The following THTPA variants were observed in gnomAD, a reference collection of about 807,000 sequenced individuals.
The protein encoded by THTPA is thiamine triphosphatase, also known as thiamine-triphosphatase.
Under a neutral mutation model 16.5 loss-of-function variants are expected in THTPA, and 16 were observed. That is an observed-to-expected ratio of 0.97 (90% confidence interval 0.66 to 1.47). The LOEUF is 1.47. Among genes scored for constraint, THTPA ranks in the 40% most tolerant of loss-of-function variants. THTPA has a pLI of 0.00. For synonymous variants in THTPA, 110 were observed against 115.5 expected (o/e 0.95, Z 0.30); for missense variants, 281 against 280.9 (o/e 1.00, Z 0.00).
the THTPA span, chr14:23,531,880 G>T: frequency 1.0e-6 from 1 of 982,764 alleles, no homozygotes; most frequent in Non-Finnish European, 1.3e-6. Flanking sequence ...TGGGTTCAGT[G>T]ATTCTCATGC....
At chr14:23,522,087 T>C in the THTPA span, 6 of 1,536,036 alleles carry the variant, frequency 3.9e-6, no homozygotes, top group African/African-American at 2.7e-5. Context: ...GTGATGGAGA[T>C]GGGTGGGCCC....
chr14:23,535,189 G>T, the THTPA span: 1 of 1,531,686 alleles, frequency 6.5e-7, no homozygotes. The surrounding 1 kb of genome is among the most constrained non-coding windows in gnomAD (Gnocchi z 4.5). Flanking sequence ...CTCAGAGGTG[G>T]AGGAGGCAGC....
At chr14:23,553,539 C>T (rs1026006170), upstream of THTPA, among the ~76,000 whole-genome samples, 8 of 150,852 alleles carry the variant, frequency 5.3e-5, no homozygotes, top group African/African-American at 2.0e-4. Flanking sequence ...GCAGAGGTTG[C>T]GGTGAGCCAA....
chr14:23,547,963 C>A, the THTPA span, among the ~76,000 whole-genome samples: 3 of 152,136 alleles, frequency 2.0e-5, no homozygotes, highest in Non-Finnish European at 4.4e-5. Flanking sequence ...GTCCCATTTC[C>A]CCCCTTTCTG....
the THTPA span, chr14:23,525,091 G>T: frequency 6.5e-7 from 1 of 1,536,044 alleles, no homozygotes; most frequent in East Asian, 2.4e-5. This position sits in a 1 kb window ranked among gnomAD's most constrained non-coding sequence, Gnocchi z 5.9. Flanking sequence ...TGGGGTAGGC[G>T]CTAGTCTCAA....
At chr14:23,531,598 G>GGTGGGCAGGT in the THTPA span, 2 of 1,526,190 alleles carry the variant, frequency 1.3e-6, no homozygotes, top group Non-Finnish European at 1.8e-6. Flanking sequence ...TGGGCATCGC[G>GGTGGGCAGGT]GTGGGCAGGT....
chr14:23,557,752 CTCTT>C (rs1352666420), intron 1 of THTPA, among the ~76,000 whole-genome samples: 1 of 150,990 alleles, frequency 6.6e-6, no homozygotes, highest in African/African-American at 2.5e-5. Flanking sequence ...TTCCCCCAAT[CTCTT>C]TTTTTTCTTC....
chr14:23,539,422 A>T, the THTPA span, among the ~76,000 whole-genome samples: 1 of 152,204 alleles, frequency 6.6e-6, no homozygotes, highest in East Asian at 1.9e-4. Context: ...AGCTGCCGAG[A>T]GAGAAATGTG....
chr14:23,560,206 T>A lies in THTPA; in HGVS notation c.*1366T>A. On this transcript the variant is annotated 3_prime_UTR_variant, in exon 2 of 2. Transcript: ENST00000288014. ...CACCCACCTCCTCCACTTAGTGGCC[T>A]TTTCTCCTGGAGTCCCCAGGCCACC... The A allele has an allele frequency of 6.3e-7, 1 of 1,599,498 alleles. No individual in the cohort carries two copies. Among genetic ancestry groups the A allele is most frequent in the Non-Finnish European group, 8.5e-7 (1 of 1,171,004 alleles).
Position 23,559,975 on chromosome 14 carries a change from G to A in THTPA, c.*1135G>A, listed in dbSNP as rs181571401. On this transcript the variant is annotated 3_prime_UTR_variant, in exon 2 of 2. Coordinates refer to ENST00000288014, the MANE Select transcript of THTPA (RefSeq NM_024328.6). ...GAGGATTCTGAAGAGCTGGGTGATA[G>A]GAAGGCCACCCCGAGCTGGAACTGT... 6.2e-7 allele frequency: 1 copy of A among 1,613,320 alleles called. No individual in the cohort carries two copies. The highest frequency in any genetic ancestry group is 8.5e-7 in the Non-Finnish European group (1 of 1,179,584).
the THTPA span, among the ~76,000 whole-genome samples, chr14:23,546,178 T>C: frequency 6.6e-6 from 1 of 152,150 alleles, no homozygotes; most frequent in Non-Finnish European, 1.5e-5. The surrounding 1 kb of genome is among the most constrained non-coding windows in gnomAD (Gnocchi z 4.7). Flanking sequence ...TGCAGAGAGG[T>C]CTTGCACACC....
the THTPA span, chr14:23,527,654 T>A: frequency 6.5e-7 from 1 of 1,536,422 alleles, no homozygotes; most frequent in Non-Finnish European, 8.7e-7. Context: ...TGAAGGTGGC[T>A]AAGGTGGAAG....
chr14:23,541,744 G>A, the THTPA span, among the ~76,000 whole-genome samples: 1 of 152,140 alleles, frequency 6.6e-6, no homozygotes. Flanking sequence ...AACTATTCTG[G>A]CCTTTCCCTG....
At chr14:23,531,879 T>A in the THTPA span, 1 of 981,164 alleles carries the variant, frequency 1.0e-6, no homozygotes, top group Non-Finnish European at 1.3e-6. Context: ...CTGGGTTCAG[T>A]GATTCTCATG....
chr14:23,532,506 C>T, the THTPA span: 2 of 1,409,148 alleles, frequency 1.4e-6, no homozygotes, highest in African/African-American at 1.4e-5. Context: ...TATTCTGCAT[C>T]TCCTCCCTCT....
the THTPA span, chr14:23,533,482 G>C: frequency 6.5e-7 from 1 of 1,536,006 alleles, no homozygotes; most frequent in Non-Finnish European, 8.7e-7. The surrounding 1 kb of genome is among the most constrained non-coding windows in gnomAD (Gnocchi z 4.8). Flanking sequence ...AGGAGGGCCT[G>C]GCCCCATCAA....
chr14:23,558,230 G>T (rs1882749682), intron 1 of THTPA, among the ~76,000 whole-genome samples: 2 of 152,218 alleles, frequency 1.3e-5, no homozygotes, highest in Non-Finnish European at 2.9e-5. Flanking sequence ...AGAATTCTAT[G>T]TGAATCCCAC....
chr14:23,520,679 G>A, the THTPA span, among the ~76,000 whole-genome samples: 37 of 152,024 alleles, frequency 2.4e-4, no homozygotes, highest in East Asian at 3.9e-4. The surrounding 1 kb of genome is among the most constrained non-coding windows in gnomAD (Gnocchi z 8.7). Context: ...TGGAGGCTGC[G>A]CATAGCAGGG....
At chr14:23,518,694 G>A in the THTPA span, among the ~76,000 whole-genome samples, 1 of 152,204 alleles carries the variant, frequency 6.6e-6, no homozygotes, top group African/African-American at 2.4e-5. This position sits in a 1 kb window ranked among gnomAD's most constrained non-coding sequence, Gnocchi z 4.5. Flanking sequence ...TAGAAGCCAA[G>A]CCCTAGGGTT....
Sources: allele counts gnomAD v4.1 joint callset (sites outside exome capture counted in the v4.1 genomes callset), GRCh38; gene constraint gnomAD v4.1.1; non-coding constraint Gnocchi (gnomAD v3.1); transcripts MANE v1.5; gene names NCBI Gene and HGNC (gene_info 2026-07-23, HGNC 2026-07-21).